UQCRC1: variants seen among roughly 807,000 people sequenced by gnomAD.
The protein encoded by UQCRC1 is ubiquinol-cytochrome c reductase core protein 1, also known as cytochrome b-c1 complex subunit 1, mitochondrial.
A neutral mutation model predicts 58.0 loss-of-function variants in UQCRC1; 34 were observed. The observed-to-expected ratio is 0.59, with a 90% CI of 0.45 to 0.78. The LOEUF (loss-of-function observed/expected upper bound fraction) is 0.78, where lower values mean the gene tolerates loss of function less well. UQCRC1 is among the 30% of genes least tolerant of loss of function. The pLI is 0.00. For synonymous variants in UQCRC1, 276 were observed against 248.8 expected, an observed-to-expected ratio of 1.11 and a Z score of -1.03; for missense variants, 610 against 646.0, an observed-to-expected ratio of 0.94 and a Z score of 0.60.
chr3:48,603,549 G>T lies in UQCRC1; in HGVS notation c.706+15C>A, dbSNP rs780875339. On this transcript the variant is annotated intron_variant, in intron 6 of 12. Transcript: ENST00000203407. ...GGACCCCACTACCCAGGACTTCAGT[G>T]ATTCCATCACTCACCTCCAGCTGCT... The T allele has an allele frequency of 1.1e-5, 17 of 1,612,790 alleles. No individual in the cohort carries two copies. Among genetic ancestry groups the T allele is most frequent in the Non-Finnish European group, 1.4e-5 (17 of 1,179,724 alleles).
chr3:48,609,025 C>A (rs914135705), intron 2 of UQCRC1, 137 bp downstream of exon 2: 1 of 1,201,858 alleles, frequency 8.3e-7, no homozygotes, highest in Non-Finnish European at 1.1e-6. Flanking sequence ...GGAATGGGGC[C>A]ATTCTCGGGG....
chr3:48,603,883 T>C, intron 5 of UQCRC1: 2 of 587,216 alleles, frequency 3.4e-6, no homozygotes, highest in Non-Finnish European at 6.1e-6. Flanking sequence ...TAGTCTTCTC[T>C]GAGAAGGCGT....
At position 48,603,442 on chromosome 3, in the gene UQCRC1, G is replaced by T. The variant is rs912710995; in HGVS notation, c.706+122C>A. On this transcript the variant is annotated intron_variant, in intron 6 of 12. Transcript: ENST00000203407. ...ACAGGAGGAAGGTCATTCCCCTCAAGGTTAGGGTGGGAGCAGAGTCCCCTG... is the reference window on the plus strand; with the variant it reads ...ACAGGAGGAAGGTCATTCCCCTCAATGTTAGGGTGGGAGCAGAGTCCCCTG... 6.6e-6 allele frequency: 6 copies of T among 915,428 alleles called. No homozygotes were observed. The African/African-American group carries it at 9.9e-5, about 15-fold the overall frequency. 56.7% of individuals were successfully genotyped at this position (915,428 alleles called of 1,614,324 possible).
Position 48,609,614 on chromosome 3 carries a change from C to G in UQCRC1, c.7G>C (p.Ala3Pro). 6.4e-7 allele frequency: 1 copy of G among 1,567,650 alleles called. No individual in the cohort carries two copies. The highest frequency in any genetic ancestry group is 8.6e-7 in the Non-Finnish European group (1 of 1,160,446). The change falls in exon 1 of 13, where the codon GCG (alanine) becomes CCG (proline). Residue 3 changes from alanine (A) to proline (P), a missense_variant. Physicochemically the swap from Ala to Pro is conservative, Grantham distance 27. Transcript: ENST00000203407. ...GTAGCGGCCCGACAGACCACGGACG[C>G]CGCCATCTTCCAGCTGCAGTCGGCC... The part of the protein sequence containing the change: MA[A>P]SVVCRAATAG...
At position 48,604,437 on chromosome 3, in the gene UQCRC1, T is replaced by C; in HGVS notation, c.428-6A>G. The C allele has an allele frequency of 6.2e-7, 1 of 1,613,594 alleles. No individual in the cohort carries two copies. Among genetic ancestry groups the C allele is most frequent in the South Asian group, 1.1e-5 (1 of 91,076 alleles). The stretch of plus-strand genomic sequence containing the variant: ...GTCACCCAGGAGCTCCACAGCTAGA[T>C]GCAAGGAGGACATGTTTAGGTGCCA... On this transcript the variant is annotated splice_polypyrimidine_tract_variant and splice_region_variant and intron_variant, in intron 4 of 12. Coordinates refer to ENST00000203407, the MANE Select transcript of UQCRC1 (RefSeq NM_003365.3).
chr3:48,599,258 C>T (rs1021031913), intron 12 of UQCRC1, 66 bp from the exon 13 acceptor site: 1 of 1,497,498 alleles, frequency 6.7e-7, no homozygotes, highest in Middle Eastern at 1.9e-4. Context: ...TGGCCCTGTG[C>T]CGCACCCAGC....
chr3:48,601,973 C>G (rs148063927), intron 6 of UQCRC1, among the ~76,000 whole-genome samples: 1 of 151,878 alleles, frequency 6.6e-6, no homozygotes. Flanking sequence ...ATGTTACAAA[C>G]GTATACCCTA....
intron 6 of UQCRC1, among the ~76,000 whole-genome samples, chr3:48,602,793 G>A (rs2046378696): frequency 6.6e-6 from 1 of 152,048 alleles, no homozygotes; most frequent in African/African-American, 2.4e-5. Flanking sequence ...AAAGTGCTAG[G>A]ATTACAGGCG....
At chr3:48,602,206 A>G (rs1029445223) in intron 6 of UQCRC1, among the ~76,000 whole-genome samples, 1 of 151,796 alleles carries the variant, frequency 6.6e-6, no homozygotes, top group African/African-American at 2.4e-5. Flanking sequence ...GCCCGCCACC[A>G]CGCCTGGCTA....
At chr3:48,602,950 C>T (rs2046379670) in intron 6 of UQCRC1, among the ~76,000 whole-genome samples, 1 of 152,118 alleles carries the variant, frequency 6.6e-6, no homozygotes, top group Non-Finnish European at 1.5e-5. Context: ...CCAGTCCCTG[C>T]CACAGCCCCT....
Position 48,609,210 on chromosome 3 carries a change from G to A in UQCRC1, c.162C>T (p.Asp54=), listed in dbSNP as rs1575515620. 6.2e-7 allele frequency: 1 copy of A among 1,612,936 alleles called. No homozygotes were observed. Among genetic ancestry groups the A allele is most frequent in the African/African-American group, 1.3e-5 (1 of 74,946 alleles). The change falls in exon 2 of 13, where the codon GAC becomes GAT. Residue 54 remains aspartate, a synonymous_variant. Transcript: ENST00000203407. The part of the protein sequence containing the change: ...FVPETQVSLL[D]NGLRVASEQS... ...GCTCGGAGGCCACACGCAGGCCGTT[G>A]TCCAGCAGGCTAACCTGCGTCTCCG...
At chr3:48,606,482 C>A (rs1226068247) in intron 2 of UQCRC1, among the ~76,000 whole-genome samples, 5 of 152,200 alleles carry the variant, frequency 3.3e-5, no homozygotes, top group African/African-American at 1.2e-4. Context: ...GGCGCGGTGG[C>A]TTATACCTGT....
chr3:48,602,256 T>C (rs1262848531), intron 6 of UQCRC1, among the ~76,000 whole-genome samples: 5 of 151,992 alleles, frequency 3.3e-5, no homozygotes, highest in Admixed American at 3.3e-4. Context: ...TTTCACTGTG[T>C]TAGCCAGGAT....
At chr3:48,603,332 A>T (rs1375181200) in intron 6 of UQCRC1, among the ~76,000 whole-genome samples, 2 of 152,196 alleles carry the variant, frequency 1.3e-5, no homozygotes, top group Non-Finnish European at 2.9e-5. Flanking sequence ...TGGGGCTAAG[A>T]CAGACCTGTA....
intron 10 of UQCRC1, 97 bp downstream of exon 10, chr3:48,600,385 T>G (rs1289780185): frequency 1.3e-6 from 2 of 1,494,080 alleles, no homozygotes; most frequent in Non-Finnish European, 1.9e-6. Context: ...CTTCAAAGTT[T>G]TCCTTTCTAA....
chr3:48,604,142 G>A (rs1164643072), intron 5 of UQCRC1, 91 bp downstream of exon 5: 22 of 1,423,206 alleles, frequency 1.5e-5, no homozygotes, highest in African/African-American at 8.5e-5. Flanking sequence ...AAATAACCCC[G>A]ACAGCTAGCC....
At chr3:48,604,915 C>T in intron 3 of UQCRC1, 135 bp from the exon 4 acceptor site, 1 of 1,295,356 alleles carries the variant, frequency 7.7e-7, no homozygotes, top group East Asian at 2.5e-5. Context: ...GACACAGATC[C>T]CAGAGTCTGT....
intron 7 of UQCRC1, 78 bp from the exon 8 acceptor site, chr3:48,601,196 G>T: frequency 6.4e-7 from 1 of 1,550,404 alleles, no homozygotes; most frequent in South Asian, 1.2e-5. Flanking sequence ...TGGGTAGAGG[G>T]TGTATGTGTG....
chr3:48,604,864 A>C (rs1356294029), intron 3 of UQCRC1, 84 bp from the exon 4 acceptor site: 1 of 1,572,032 alleles, frequency 6.4e-7, no homozygotes, highest in Non-Finnish European at 8.6e-7. Flanking sequence ...ACCCAGCAGG[A>C]CCACTGGTCC....
Sources: gnomAD v4.1 joint callset for allele counts (sites outside exome capture counted in the v4.1 genomes callset) on GRCh38, gnomAD v4.1.1 for gene constraint, MANE v1.5 for transcripts, NCBI Gene and HGNC (gene_info 2026-07-23, HGNC 2026-07-21) for gene names.